Variants in REDIC1 observed in about 807,000 individuals in gnomAD.
REDIC1 encodes the protein regulator of DNA class I crossover intermediates 1, also known as HEI10 Interacting Protein 1.
chr12:39,653,542 C>CTTCTTCTT, the REDIC1 span, among the ~76,000 whole-genome samples: 2 of 37,308 alleles, frequency 5.4e-5, no homozygotes, highest in Non-Finnish European at 7.2e-5. Flanking sequence ...TCTTCTTTTT[C>CTTCTTCTT]TTCTTCTTCT....
the REDIC1 span, chr12:39,764,515 G>A: frequency 1.9e-6 from 3 of 1,611,028 alleles, no homozygotes; most frequent in Non-Finnish European, 2.5e-6. Flanking sequence ...CCAGGACATT[G>A]AAAATCCAGT....
chr12:39,662,928 T>C, the REDIC1 span, among the ~76,000 whole-genome samples: 1 of 152,152 alleles, frequency 6.6e-6, no homozygotes, highest in Non-Finnish European at 1.5e-5. Flanking sequence ...TATATCACAT[T>C]GATTGATTTG....
At chr12:39,628,526 TAAG>T in the REDIC1 span, among the ~76,000 whole-genome samples, 1 of 152,198 alleles carries the variant, frequency 6.6e-6, no homozygotes, top group African/African-American at 2.4e-5. Flanking sequence ...CTGAACATTT[TAAG>T]AAGAACTGTT....
At chr12:39,812,751 C>T in the REDIC1 span, among the ~76,000 whole-genome samples, 3 of 149,034 alleles carry the variant, frequency 2.0e-5, no homozygotes, top group Admixed American at 6.7e-5. Context: ...GGATTACGGG[C>T]GTGAGTCATT....
the REDIC1 span, among the ~76,000 whole-genome samples, chr12:39,762,661 C>A: frequency 2.6e-5 from 4 of 151,926 alleles, no homozygotes; most frequent in South Asian, 2.1e-4. Flanking sequence ...GAGGAATACA[C>A]GATTAGGATG....
the REDIC1 span, among the ~76,000 whole-genome samples, chr12:39,904,691 A>T: frequency 6.6e-6 from 1 of 152,104 alleles, no homozygotes; most frequent in Non-Finnish European, 1.5e-5. Context: ...GCCTGTCCTT[A>T]TATGCCCTGC....
chr12:39,771,969 TACTGTCAGTATCTACC>T, the REDIC1 span, among the ~76,000 whole-genome samples: 6 of 152,146 alleles, frequency 3.9e-5, no homozygotes, highest in African/African-American at 1.4e-4. Context: ...TCTTGATATC[TACTGTCAGTATCTACC>T]ATCAATTCCT....
the REDIC1 span, chr12:39,865,000 A>C: frequency 6.4e-6 from 6 of 931,370 alleles, no homozygotes; most frequent in Non-Finnish European, 9.3e-6. Context: ...TGAAAAAAAA[A>C]TACCGTGCTC....
At chr12:39,775,907 T>C in the REDIC1 span, among the ~76,000 whole-genome samples, 1 of 152,222 alleles carries the variant, frequency 6.6e-6, no homozygotes, top group Non-Finnish European at 1.5e-5. Context: ...TAATCTGAAA[T>C]CCAAAATGCT....
chr12:39,820,108 A>G, the REDIC1 span, among the ~76,000 whole-genome samples: 1 of 152,138 alleles, frequency 6.6e-6, no homozygotes, highest in Non-Finnish European at 1.5e-5. Flanking sequence ...TAACTCATTT[A>G]CCAAATAAAT....
chr12:39,721,653 C>G, the REDIC1 span: 1 of 157,474 alleles, frequency 6.4e-6, no homozygotes, highest in African/African-American at 2.4e-5. Context: ...TGTTCCCTTT[C>G]AAGATATTTA....
At chr12:39,716,332 C>T in the REDIC1 span, among the ~76,000 whole-genome samples, 4 of 151,888 alleles carry the variant, frequency 2.6e-5, no homozygotes, top group South Asian at 2.1e-4. Flanking sequence ...AGGTTTTATT[C>T]GCATCTTTTG....
the REDIC1 span, among the ~76,000 whole-genome samples, chr12:39,880,398 T>C: frequency 1.3e-5 from 2 of 152,202 alleles, no homozygotes; most frequent in East Asian, 1.9e-4. Flanking sequence ...TTTGGTACAC[T>C]GAGAAATCCT....
the REDIC1 span, among the ~76,000 whole-genome samples, chr12:39,864,023 G>A: frequency 6.6e-6 from 1 of 152,146 alleles, no homozygotes; most frequent in Non-Finnish European, 1.5e-5. Context: ...GTTTTAAAGG[G>A]ATTGCTAGAC....
At chr12:39,703,541 A>G in the REDIC1 span, among the ~76,000 whole-genome samples, 1 of 151,790 alleles carries the variant, frequency 6.6e-6, no homozygotes, top group South Asian at 2.1e-4. Flanking sequence ...TGCCATCCCC[A>G]TCAAGCTACC....
chr12:39,900,838 C>T, the REDIC1 span, among the ~76,000 whole-genome samples: 1 of 152,180 alleles, frequency 6.6e-6, no homozygotes, highest in African/African-American at 2.4e-5. Context: ...GAAAAAACTA[C>T]TTTAAAGTTC....
At chr12:39,764,804 G>A in the REDIC1 span, 1 of 1,612,544 alleles carries the variant, frequency 6.2e-7, no homozygotes, top group African/African-American at 1.3e-5. Context: ...GAGTAGGGCA[G>A]AAATTGTAAG....
chr12:39,906,954 T>C, the REDIC1 span, among the ~76,000 whole-genome samples: 1 of 152,180 alleles, frequency 6.6e-6, no homozygotes. Flanking sequence ...TTTTTATAAA[T>C]AGAAAAATCA....
the REDIC1 span, among the ~76,000 whole-genome samples, chr12:39,838,330 G>A: frequency 9.1e-5 from 12 of 131,814 alleles, no homozygotes; most frequent in African/African-American, 3.1e-4. Context: ...ATCACACTCT[G>A]GGGACTGTGG....
Sources: gnomAD v4.1 joint callset for allele counts (sites outside exome capture counted in the v4.1 genomes callset) on GRCh38, gnomAD v4.1.1 for gene constraint, MANE v1.5 for transcripts, NCBI Gene and HGNC (gene_info 2026-07-23, HGNC 2026-07-21) for gene names.